Variants in ZNF106 observed in about 807,000 individuals in gnomAD.
The protein encoded by ZNF106 is zinc finger protein 106.
In ZNF106, 67 loss-of-function variants were observed where a neutral mutation model predicts 195.1. The ratio of observed to expected loss-of-function variants is 0.34; its 90% CI spans 0.28 to 0.42. ZNF106 has a LOEUF of 0.42. ZNF106 is among the 10% of genes least tolerant of loss of function. The probability of loss-of-function intolerance (pLI) is 1.00; values close to 1 mark genes in which losing one functional copy is unlikely to be tolerated. For synonymous variants in ZNF106, 784 were observed against 818.6 expected (o/e 0.96, Z 0.72); for missense variants, 2,118 against 2,304.5 (o/e 0.92, Z 1.66).
chr15:42,490,231 A>G (rs929511267), intron 1 of ZNF106: 1 of 145,156 alleles, frequency 6.9e-6, no homozygotes, highest in East Asian at 2.0e-4. Context: ...CTTTGTCTCA[A>G]AAAAAAAAAA....
chr15:42,450,509 G>C lies in ZNF106; in HGVS notation c.1763C>G (p.Ala588Gly). 2.5e-6 allele frequency: 4 copies of C among 1,613,936 alleles called. No individual in the cohort carries two copies. In the South Asian group the frequency reaches 4.4e-5, roughly 18 times the overall value. Reference protein sequence around the residue: ...TSKSTRNYAKASRNVEESEKG... With the variant: ...TSKSTRNYAKGSRNVEESEKG... ...TTCAGATTCTTCTACATTTCTACTT[G>C]CTTTTGCATAGTTCCTGGTACTTTT... The change falls in exon 5 of 22, where the codon GCA becomes GGA. Residue 588 changes from alanine to glycine, a missense_variant. Transcript: ENST00000564754.
At chr15:42,466,027 CT>C (rs1249740086) in intron 3 of ZNF106, 25 bp downstream of exon 3, 5 of 1,524,224 alleles carry the variant, frequency 3.3e-6, no homozygotes, top group Non-Finnish European at 4.4e-6. Flanking sequence ...CATTCACAAA[CT>C]TATGGAAGAG....
At chr15:42,457,475 G>T in intron 3 of ZNF106, 1 of 1,215,436 alleles carries the variant, frequency 8.2e-7, no homozygotes, top group Non-Finnish European at 1.0e-6. Context: ...AGGCAGGGCA[G>T]GGGGCTCAGA....
At position 42,449,970 on chromosome 15, in the gene ZNF106, G is replaced by A. The variant is rs1343092852; in HGVS notation, c.2302C>T (p.His768Tyr). The A allele has an allele frequency of 3.1e-6, 5 of 1,614,084 alleles. No homozygotes were observed. Among genetic ancestry groups the A allele is most frequent in the Non-Finnish European group, 2.5e-6 (3 of 1,180,042 alleles). The change falls in exon 5 of 22, where the codon CAC becomes TAC. Residue 768 changes from histidine to tyrosine, a missense_variant. By Grantham distance (83) the His-to-Tyr change is moderately conservative (BLOSUM62 2). Transcript: ENST00000564754. The stretch of plus-strand genomic sequence containing the variant: ...CTATTGAGGTTTGGCTCAGGAAGGT[G>A]TACTCCAGTTTTGCTCTTCAAACTA... ...HISLKSKTGV[H>Y]LPEPNLNSAR...
chr15:42,439,523 G>A lies in ZNF106; in HGVS notation c.4054C>T (p.Pro1352Ser). 6.2e-7 allele frequency: 1 copy of A among 1,614,196 alleles called. No homozygotes were observed. Among genetic ancestry groups the A allele is most frequent in the African/African-American group, 1.3e-5 (1 of 75,042 alleles). ...ETPLEKEPHS[P>S]ADQPEQQAES... is the part of the protein sequence containing the mutation. ...GCCTGTTGTTCAGGCTGGTCAGCTG[G>A]AGAGTGGGGTTCCTTCTCCAAAGGG... Residue 1352 changes from proline to serine, a missense_variant, in exon 11 of 22, where the codon CCA (proline) becomes TCA (serine). Pro to Ser is a moderately conservative substitution (Grantham distance 74, BLOSUM62 -1). Coordinates refer to ENST00000564754, the MANE Select transcript of ZNF106 (RefSeq NM_001366845.3).
At chr15:42,479,598 T>C (rs1030554070) in intron 1 of ZNF106, among the ~76,000 whole-genome samples, 3 of 151,976 alleles carry the variant, frequency 2.0e-5, no homozygotes, top group African/African-American at 7.2e-5. Flanking sequence ...TCCTAGCACT[T>C]TGGGAGGCCA....
chr15:42,476,163 A>G (rs1001397493), intron 1 of ZNF106, among the ~76,000 whole-genome samples: 6 of 152,246 alleles, frequency 3.9e-5, no homozygotes, highest in African/African-American at 1.4e-4. Context: ...AAATCAAAAT[A>G]TAACTGCCAG....
At chr15:42,436,560 A>T (rs2055281052) in intron 13 of ZNF106, among the ~76,000 whole-genome samples, 1 of 152,200 alleles carries the variant, frequency 6.6e-6, no homozygotes, top group African/African-American at 2.4e-5. Flanking sequence ...ATTCATTCAG[A>T]CATCATGTTC....
At chr15:42,482,187 T>C (rs1302748856) in intron 1 of ZNF106, among the ~76,000 whole-genome samples, 1 of 152,220 alleles carries the variant, frequency 6.6e-6, no homozygotes, top group Non-Finnish European at 1.5e-5. Flanking sequence ...TCTTTATGAA[T>C]ACATTTTCCT....
chr15:42,465,834 C>A (rs1338053499), intron 3 of ZNF106, among the ~76,000 whole-genome samples: 1 of 152,216 alleles, frequency 6.6e-6, no homozygotes, highest in Admixed American at 6.5e-5. Flanking sequence ...CTTGATAGGG[C>A]TGCTGTGAAT....
chr15:42,482,269 G>A (rs965132030), intron 1 of ZNF106, among the ~76,000 whole-genome samples: 3 of 151,844 alleles, frequency 2.0e-5, no homozygotes, highest in South Asian at 2.1e-4. Flanking sequence ...TAATCCCAAC[G>A]TTTAAGCATT....
chr15:42,453,618 T>C (rs1872615251), intron 4 of ZNF106, among the ~76,000 whole-genome samples: 1 of 151,354 alleles, frequency 6.6e-6, no homozygotes, highest in African/African-American at 2.4e-5. Context: ...TTTTTGGAGA[T>C]GGAGTCTCGC....
chr15:42,487,197 T>C (rs971912705), intron 1 of ZNF106, among the ~76,000 whole-genome samples: 2 of 151,810 alleles, frequency 1.3e-5, no homozygotes, highest in African/African-American at 4.8e-5. Context: ...AGGGAAAATA[T>C]GGCCTGGATG....
At chr15:42,468,470 T>G (rs1288315792) in intron 2 of ZNF106, among the ~76,000 whole-genome samples, 1 of 151,736 alleles carries the variant, frequency 6.6e-6, no homozygotes, top group Non-Finnish European at 1.5e-5. Flanking sequence ...GTAGGCCAGG[T>G]GCGGTGGCTC....
At chr15:42,477,464 C>T (rs1334855473) in intron 1 of ZNF106, among the ~76,000 whole-genome samples, 1 of 152,214 alleles carries the variant, frequency 6.6e-6, no homozygotes, top group East Asian at 1.9e-4. Context: ...CCCATATTAA[C>T]ATCTTTCATT....
At chr15:42,455,484 T>G (rs533354478) in intron 4 of ZNF106, among the ~76,000 whole-genome samples, 47 of 152,352 alleles carry the variant, frequency 3.1e-4, no homozygotes, top group African/African-American at 1.1e-3. Context: ...GGATTAGGGA[T>G]GCTCACCCTT....
At chr15:42,418,942 G>C (rs1359716377) in intron 20 of ZNF106, among the ~76,000 whole-genome samples, 2 of 151,546 alleles carry the variant, frequency 1.3e-5, no homozygotes, top group Non-Finnish European at 2.9e-5. Context: ...TGCTTCCTAA[G>C]TGGTGGCTCA....
intron 1 of ZNF106, among the ~76,000 whole-genome samples, chr15:42,483,170 G>GT (rs148973955): frequency 2.0e-5 from 3 of 151,996 alleles, no homozygotes; most frequent in African/African-American, 7.3e-5. Flanking sequence ...AATCTGCCTG[G>GT]TTTTTTTGTA....
At chr15:42,435,823 C>G (rs2055252852) in intron 13 of ZNF106, among the ~76,000 whole-genome samples, 1 of 152,094 alleles carries the variant, frequency 6.6e-6, no homozygotes, top group Admixed American at 6.6e-5. Flanking sequence ...GACATATGGA[C>G]CAAGGACCTA....
Sources: gnomAD v4.1 joint callset for allele counts (sites outside exome capture counted in the v4.1 genomes callset) on GRCh38, gnomAD v4.1.1 for gene constraint, MANE v1.5 for transcripts, NCBI Gene and HGNC (gene_info 2026-07-23, HGNC 2026-07-21) for gene names.